The following PI4KA variants were observed in gnomAD, a reference collection of about 807,000 sequenced individuals.
The protein encoded by PI4KA is phosphatidylinositol 4-kinase alpha.
Under a neutral mutation model 271.4 loss-of-function variants are expected in PI4KA, and 122 were observed. That is an observed-to-expected ratio of 0.45 (90% CI 0.39 to 0.52). PI4KA has a LOEUF of 0.52. PI4KA is among the 20% of genes least tolerant of loss of function. The pLI, the probability that PI4KA is intolerant of heterozygous loss-of-function variation, is 0.00. For missense variants in PI4KA, 1,969 were observed against 2,769.1 expected (o/e 0.71, Z 6.48); for synonymous variants, 1,041 against 1,078.8 (o/e 0.96, Z 0.69).
chr22:20,783,579 C>T (rs2147503009), intron 19 of PI4KA, among the ~76,000 whole-genome samples: 1 of 152,144 alleles, frequency 6.6e-6, no homozygotes, highest in East Asian at 1.9e-4. Flanking sequence ...ATGGCATCGC[C>T]GCACTCCAGC....
chr22:20,762,373 C>G (rs958180776), intron 22 of PI4KA, among the ~76,000 whole-genome samples: 5 of 152,174 alleles, frequency 3.3e-5, no homozygotes, highest in Non-Finnish European at 7.3e-5. Context: ...CTCTCAATAC[C>G]CAGTGGCTGG....
At chr22:20,727,519 G>C (rs1481681314) in intron 40 of PI4KA, 122 bp from the exon 41 acceptor site, 2 of 939,838 alleles carry the variant, frequency 2.1e-6, no homozygotes, top group African/African-American at 1.7e-5. Flanking sequence ...GGTAACCATG[G>C]GGAAGATGCT....
chr22:20,819,740 G>A lies in PI4KA; in HGVS notation c.690C>T (p.Ser230=), dbSNP rs764417682. Residue 230 remains serine (S), a synonymous_variant, in exon 6 of 55, where the codon TCC becomes TCT. Coordinates refer to ENST00000255882, the MANE Select transcript of PI4KA (RefSeq NM_058004.4). ...LEELEGVRRR[S]FNDFRSILPS... is the part of the protein sequence containing the mutation. ...GGAGGATGGAGCGGAAGTCATTAAAGGAACGCCTTCGAACACCTTCAAGCT... is the reference window on the plus strand; with the variant it reads ...GGAGGATGGAGCGGAAGTCATTAAAAGAACGCCTTCGAACACCTTCAAGCT... 1 of 1,614,082 alleles carries A rather than the reference G, an allele frequency of 6.2e-7. No homozygotes were observed. Among genetic ancestry groups the A allele is most frequent in the Admixed American group, 1.7e-5 (1 of 60,004 alleles).
At chr22:20,832,905 CT>C (rs1443481604) in intron 3 of PI4KA, among the ~76,000 whole-genome samples, 4 of 152,152 alleles carry the variant, frequency 2.6e-5, no homozygotes, top group Admixed American at 6.5e-5. Flanking sequence ...GTCATTTTGG[CT>C]TGGTTAAGAA....
At chr22:20,765,932 C>A (rs1452151031) in intron 19 of PI4KA, among the ~76,000 whole-genome samples, 3 of 152,168 alleles carry the variant, frequency 2.0e-5, no homozygotes, top group South Asian at 4.1e-4. Context: ...CCTGTTCCTG[C>A]ACTTGAAGGA....
At chr22:20,821,907 T>C (rs943178559) in intron 4 of PI4KA, among the ~76,000 whole-genome samples, 1 of 152,112 alleles carries the variant, frequency 6.6e-6, no homozygotes, top group African/African-American at 2.4e-5. Context: ...TCCCAGCACT[T>C]TGGGAGGCTG....
chr22:20,751,091 C>A (rs920600758), intron 27 of PI4KA, among the ~76,000 whole-genome samples: 5 of 151,842 alleles, frequency 3.3e-5, no homozygotes, highest in Admixed American at 6.6e-5. Flanking sequence ...GAAGACAGAG[C>A]GACCTGGGGG....
At chr22:20,788,753 T>C (rs1934439778) in intron 19 of PI4KA, among the ~76,000 whole-genome samples, 1 of 152,210 alleles carries the variant, frequency 6.6e-6, no homozygotes. Flanking sequence ...TTCTTTTCTG[T>C]CATTCTCCAA....
chr22:20,714,584 C>T (rs777567275), intron 46 of PI4KA, 44 bp downstream of exon 46: 9 of 1,613,864 alleles, frequency 5.6e-6, no homozygotes, highest in African/African-American at 5.3e-5. Flanking sequence ...AAACTTCGCA[C>T]GCGGACGCGT....
chr22:20,819,701 C>G lies in PI4KA; in HGVS notation c.729G>C (p.Leu243=). Residue 243 remains leucine (L), a synonymous_variant, in exon 6 of 55, where the codon CTG becomes CTC. Transcript: ENST00000255882. The part of the protein sequence containing the change: ...DFRSILPSNL[L]TVCQEGTLKR... ...TCAGGGTACCCTCCTGACAGACAGT[C>G]AGCAGATTGCTGGGGAGGATGGAGC... 1 of 1,614,116 alleles carries G rather than the reference C, an allele frequency of 6.2e-7. No individual in the cohort carries two copies. Among genetic ancestry groups the G allele is most frequent in the East Asian group, 2.2e-5 (1 of 44,878 alleles).
rs911517070 is a variant in PI4KA, at chr22:20,727,269, C to T, written c.4902G>A (p.Thr1634=). The T allele has an allele frequency of 2.7e-5, 44 of 1,613,338 alleles. No homozygotes were observed. Among genetic ancestry groups the T allele is most frequent in the African/African-American group, 5.3e-5 (4 of 74,908 alleles). The change falls in exon 41 of 55, where the codon ACG becomes ACA. Residue 1634 remains threonine, a synonymous_variant. Coordinates refer to ENST00000255882, the MANE Select transcript of PI4KA (RefSeq NM_058004.4). ...FSSMYPPHPL[T]AQYGVKVLRS... ...GCAGGACTTTCACCCCGTACTGCGCCGTGAGAGGGTGCGGCGGGTACATGC... is the reference window on the plus strand; with the variant it reads ...GCAGGACTTTCACCCCGTACTGCGCTGTGAGAGGGTGCGGCGGGTACATGC...
intron 2 of PI4KA, among the ~76,000 whole-genome samples, chr22:20,835,176 C>A (rs1357006151): frequency 6.6e-6 from 1 of 151,258 alleles, no homozygotes; most frequent in Non-Finnish European, 1.5e-5. Context: ...TCTTGTTCTT[C>A]TCAAGTTGAG....
chr22:20,795,036 T>C (rs997534678), intron 18 of PI4KA, among the ~76,000 whole-genome samples: 1 of 151,892 alleles, frequency 6.6e-6, no homozygotes, highest in Admixed American at 6.6e-5. Context: ...ACAATAACTG[T>C]CTGGGGGAAG....
intron 3 of PI4KA, among the ~76,000 whole-genome samples, chr22:20,825,534 G>A (rs1258125987): frequency 6.6e-6 from 1 of 152,178 alleles, no homozygotes; most frequent in Non-Finnish European, 1.5e-5. Flanking sequence ...GGTGGAGGTT[G>A]CAGTGAACCG....
rs376319895 is a variant in PI4KA at position 20,779,306 on chromosome 22, C to T, written c.2329-13613G>A. ...CTGTTTTCCCTCCCAGCTTTAGCTC[C>T]GCCAAAATGAAACACTCATTAAACG... On this transcript the variant is annotated intron_variant, in intron 19 of 54. Transcript: ENST00000255882. The T allele has an allele frequency of 8.6e-5, 139 of 1,614,176 alleles. No homozygotes were observed. The African/African-American group carries it at 9.5e-4, about 11-fold the overall frequency.
intron 29 of PI4KA, among the ~76,000 whole-genome samples, chr22:20,745,837 C>T (rs1929992243): frequency 6.6e-6 from 1 of 151,962 alleles, no homozygotes; most frequent in South Asian, 2.1e-4. Flanking sequence ...GCATGGCAAA[C>T]AGCACCTGGT....
At chr22:20,766,573 G>A (rs1932547635) in intron 19 of PI4KA, among the ~76,000 whole-genome samples, 2 of 152,190 alleles carry the variant, frequency 1.3e-5, no homozygotes, top group Non-Finnish European at 2.9e-5. Context: ...ATTGAGGCAG[G>A]AGAACTGCTT....
intron 12 of PI4KA, 30 bp downstream of exon 12, chr22:20,804,270 C>G: frequency 6.8e-7 from 1 of 1,468,656 alleles, no homozygotes; most frequent in East Asian, 2.3e-5. Context: ...CAGGTGGGAT[C>G]TGAGCCTCTC....
chr22:20,817,895 T>A (rs568275683), intron 7 of PI4KA, among the ~76,000 whole-genome samples: 1 of 145,842 alleles, frequency 6.9e-6, no homozygotes, highest in Non-Finnish European at 1.5e-5. Context: ...AAGGAAGAAA[T>A]GGGTGGATCA....
Sources: gnomAD v4.1 joint callset for allele counts (sites outside exome capture counted in the v4.1 genomes callset) on GRCh38, gnomAD v4.1.1 for gene constraint, MANE v1.5 for transcripts, NCBI Gene and HGNC (gene_info 2026-07-23, HGNC 2026-07-21) for gene names.